Variants in CUBN observed in about 807,000 individuals in gnomAD.
CUBN encodes the protein cubilin.
A neutral mutation model predicts 405.3 loss-of-function variants in CUBN; 282 were observed. That is an observed-to-expected ratio of 0.70 (90% confidence interval 0.63 to 0.77). The LOEUF (loss-of-function observed/expected upper bound fraction) is 0.77, where lower values mean the gene tolerates loss of function less well. Ranked by LOEUF, CUBN falls within the 30% of genes least tolerant of loss-of-function variation. The pLI is 0.00. For missense variants in CUBN, 4,514 were observed against 4,475.2 expected (o/e 1.01, Z -0.25); for synonymous variants, 1,684 against 1,617.0 (o/e 1.04, Z -0.99).
chr10:16,882,185 T>G (rs1053217259), intron 56 of CUBN, among the ~76,000 whole-genome samples: 2 of 152,172 alleles, frequency 1.3e-5, no homozygotes, highest in Non-Finnish European at 2.9e-5. Flanking sequence ...TATGCGAACT[T>G]GTGAGGAAGA....
rs768586486 is a variant in CUBN, at chr10:17,071,529, G to A, written c.2522C>T (p.Thr841Ile). The A allele has an allele frequency of 6.2e-6, 10 of 1,613,746 alleles. No homozygotes were observed. Among genetic ancestry groups the A allele is most frequent in the Non-Finnish European group, 6.8e-6 (8 of 1,179,916 alleles). Residue 841 changes from threonine to isoleucine, a missense_variant, in exon 19 of 67, where the codon ACC (threonine) becomes ATC (isoleucine). By Grantham distance (89) the Thr-to-Ile change is moderately conservative (BLOSUM62 -1). Transcript: ENST00000377833. The stretch of plus-strand genomic sequence containing the variant: ...GGGCTGGTGGATGGTCCACCTACAG[G>A]TTCTTTCTCCAGGATACACGTTAGG... ...FFPNVYPGERTCRWTIHQPQS... is the reference protein window; with the variant it reads ...FFPNVYPGERICRWTIHQPQS...
intron 31 of CUBN, chr10:16,965,899 T>A: frequency 2.2e-6 from 1 of 458,768 alleles, no homozygotes; most frequent in East Asian, 7.1e-5. Context: ...CATACATGAC[T>A]TGCCCAATCA....
At chr10:16,869,435 G>A (rs958687058) in intron 59 of CUBN, among the ~76,000 whole-genome samples, 3 of 151,118 alleles carry the variant, frequency 2.0e-5, no homozygotes, top group Non-Finnish European at 4.4e-5. Context: ...AAAGTGCTGG[G>A]TACATTTGTT....
rs1327345195 is a variant in CUBN, at chr10:17,088,301, G to T, written c.1810C>A (p.Pro604Thr). ...LTGPYGSIKSPGYPGNYPPGR... is the reference protein window; with the variant it reads ...LTGPYGSIKSTGYPGNYPPGR... ...GGGGGATAGTTTCCAGGATACCCCG[G>T]AGACTTAATAGAACCGTAAGGACCA... Residue 604 changes from proline (P) to threonine (T), a missense_variant, in exon 15 of 67, where the codon CCG becomes ACG. Transcript: ENST00000377833. The T allele has an allele frequency of 1.2e-6, 2 of 1,613,662 alleles. No homozygotes were observed. The highest frequency in any genetic ancestry group is 1.7e-6 in the Non-Finnish European group (2 of 1,179,668).
At chr10:16,989,522 A>G (rs1482144308) in intron 29 of CUBN, among the ~76,000 whole-genome samples, 1 of 148,416 alleles carries the variant, frequency 6.7e-6, no homozygotes, top group African/African-American at 2.4e-5. Flanking sequence ...ATATAATTAT[A>G]ATGAATTATA....
rs561999892 is a variant in CUBN at position 17,069,872 on chromosome 10, C to T, written c.2626-1102G>A. Among the ~76,000 whole-genome samples the T allele has an allele frequency of 1.4e-3, 211 of 152,154 alleles. 1 individual carries two copies. The highest frequency in any genetic ancestry group is 4.8e-3 in the African/African-American group (201 of 41,514). On this transcript the variant is annotated intron_variant, in intron 19 of 66. Coordinates refer to ENST00000377833, the MANE Select transcript of CUBN (RefSeq NM_001081.4). ...TGCCCATTTTAAAAATCAAGTTATT[C>T]GTTTTTAATTTTGAGGAAGTTATTT...
At chr10:16,873,532 A>G (rs1355970111) in intron 58 of CUBN, among the ~76,000 whole-genome samples, 1 of 151,950 alleles carries the variant, frequency 6.6e-6, no homozygotes, top group East Asian at 1.9e-4. Context: ...GACCAGCATG[A>G]CCAACATGGT....
chr10:16,985,658 T>A (rs766073305), intron 29 of CUBN, among the ~76,000 whole-genome samples: 1 of 152,206 alleles, frequency 6.6e-6, no homozygotes, highest in Non-Finnish European at 1.5e-5. Context: ...GTGGGTAGCA[T>A]CTTGCCTGGG....
chr10:16,976,957 T>C (rs764840738), intron 31 of CUBN, among the ~76,000 whole-genome samples: 1 of 152,232 alleles, frequency 6.6e-6, no homozygotes, highest in Non-Finnish European at 1.5e-5. Flanking sequence ...ATGCAGTTCC[T>C]TGCTGAAAGT....
Position 16,950,120 on chromosome 10 carries a change from A to G in CUBN, c.4970-9T>C, listed in dbSNP as rs762015403. On this transcript the variant is annotated splice_polypyrimidine_tract_variant and intron_variant, in intron 33 of 66. Coordinates refer to ENST00000377833, the MANE Select transcript of CUBN (RefSeq NM_001081.4). ...GAGGGTGATATGATTTACTGGAAGA[A>G]AAAAGAGAAGACTCTCTCGTAAAGT... is the stretch of plus-strand genomic sequence containing the variant. 17 of 1,600,556 alleles carry G rather than the reference A, an allele frequency of 1.1e-5. No individual in the cohort carries two copies. The highest frequency in any genetic ancestry group is 5.4e-5 in the African/African-American group (4 of 74,634).
At chr10:16,870,438 C>G (rs527650015) in intron 58 of CUBN, among the ~76,000 whole-genome samples, 24 of 152,348 alleles carry the variant, frequency 1.6e-4, no homozygotes, top group African/African-American at 5.8e-4. Flanking sequence ...ACTGACACTT[C>G]TGCACATGGT....
intron 48 of CUBN, among the ~76,000 whole-genome samples, chr10:16,909,906 A>G (rs566884870): frequency 8.2e-4 from 125 of 152,308 alleles, no homozygotes; most frequent in African/African-American, 2.3e-3. Context: ...CTGTCTGTAC[A>G]GAGAGTCAGA....
At chr10:16,957,984 G>A (rs936959446) in intron 31 of CUBN, among the ~76,000 whole-genome samples, 4 of 151,568 alleles carry the variant, frequency 2.6e-5, no homozygotes, top group Non-Finnish European at 4.4e-5. Context: ...AATTTTCTCC[G>A]AAATTCAAAG....
intron 32 of CUBN, 62 bp downstream of exon 32, chr10:16,954,327 G>C: frequency 1.3e-6 from 2 of 1,579,762 alleles, no homozygotes; most frequent in Non-Finnish European, 8.7e-7. Flanking sequence ...TCATTTCACT[G>C]TTGCACCAAA....
chr10:16,906,688 G>T (rs1841565605), intron 49 of CUBN, among the ~76,000 whole-genome samples: 1 of 152,160 alleles, frequency 6.6e-6, no homozygotes, highest in Non-Finnish European at 1.5e-5. Context: ...AAATATTGAG[G>T]CCTACTGTTC....
intron 27 of CUBN, among the ~76,000 whole-genome samples, chr10:17,025,264 G>A (rs1019040379): frequency 3.3e-5 from 5 of 152,150 alleles, no homozygotes; most frequent in African/African-American, 1.2e-4. Context: ...TTTATAGAGT[G>A]GCATTTTGAA....
At chr10:16,868,317 C>T (rs1020252260) in intron 59 of CUBN, among the ~76,000 whole-genome samples, 1 of 152,044 alleles carries the variant, frequency 6.6e-6, no homozygotes, top group African/African-American at 2.4e-5. Flanking sequence ...ATTCACATGC[C>T]CAATATCAAG....
At chr10:17,080,689 C>T (rs987064728) in intron 17 of CUBN, among the ~76,000 whole-genome samples, 6 of 152,142 alleles carry the variant, frequency 3.9e-5, no homozygotes, top group Non-Finnish European at 7.4e-5. Context: ...ATCGTATAGC[C>T]TTCTGAATTT....
intron 28 of CUBN, among the ~76,000 whole-genome samples, chr10:16,992,447 C>T (rs975828103): frequency 2.0e-5 from 3 of 152,220 alleles, no homozygotes; most frequent in African/African-American, 7.2e-5. Context: ...AGTAAACGTG[C>T]ATTTTTCACA....
Sources: allele counts gnomAD v4.1 joint callset (sites outside exome capture counted in the v4.1 genomes callset), GRCh38; gene constraint gnomAD v4.1.1; transcripts MANE v1.5; gene names NCBI Gene and HGNC (gene_info 2026-07-23, HGNC 2026-07-21).